GPC5: variants seen among roughly 807,000 people sequenced by gnomAD.
The protein encoded by GPC5 is glypican-5.
A neutral mutation model predicts 53.9 loss-of-function variants in GPC5; 47 were observed. That is an observed-to-expected ratio of 0.87 (90% CI 0.69 to 1.11). GPC5 has a LOEUF of 1.11. Ranked by LOEUF, GPC5 falls within the 50% of genes most tolerant of loss-of-function variation. The pLI, the probability that GPC5 is intolerant of heterozygous loss-of-function variation, is 0.00. For synonymous variants in GPC5, 286 were observed against 263.3 expected (o/e 1.09, Z -0.84); for missense variants, 748 against 713.1 (o/e 1.05, Z -0.56).
intron 7 of GPC5, among the ~76,000 whole-genome samples, chr13:92,285,754 A>G (rs1179753561): frequency 6.6e-6 from 1 of 152,240 alleles, no homozygotes; most frequent in African/African-American, 2.4e-5. Flanking sequence ...GATGGATTAA[A>G]GACTTAAATG....
intron 7 of GPC5, among the ~76,000 whole-genome samples, chr13:92,165,231 C>T (rs1226361645): frequency 1.3e-5 from 2 of 152,154 alleles, no homozygotes; most frequent in African/African-American, 4.8e-5. Context: ...TCTATTGGAT[C>T]ATCAGGCTGC....
chr13:91,482,247 G>A (rs1468827991), intron 2 of GPC5, among the ~76,000 whole-genome samples: 3 of 152,064 alleles, frequency 2.0e-5, no homozygotes, highest in Non-Finnish European at 2.9e-5. Context: ...TCTCTCACTC[G>A]TCTGTTTATG....
chr13:92,140,996 T>C (rs948732763), intron 6 of GPC5, among the ~76,000 whole-genome samples: 8 of 152,132 alleles, frequency 5.3e-5, no homozygotes, highest in Non-Finnish European at 1.5e-5. Flanking sequence ...ATATTATTAA[T>C]TGAAACACTT....
chr13:92,495,145 G>A (rs903726794), intron 7 of GPC5, among the ~76,000 whole-genome samples: 1 of 152,178 alleles, frequency 6.6e-6, no homozygotes, highest in Admixed American at 6.5e-5. Flanking sequence ...TCAGCACGCT[G>A]AAAATAATAT....
chr13:91,897,050 C>G (rs2039449788), intron 5 of GPC5, among the ~76,000 whole-genome samples: 1 of 151,964 alleles, frequency 6.6e-6, no homozygotes, highest in African/African-American at 2.4e-5. Flanking sequence ...TCTTCCTCCC[C>G]CTCCTCCTCC....
At chr13:91,487,073 G>A (rs561580148) in intron 2 of GPC5, among the ~76,000 whole-genome samples, 2 of 152,286 alleles carry the variant, frequency 1.3e-5, no homozygotes, top group East Asian at 3.9e-4. Context: ...TAGGTTTGAG[G>A]AGGGAAAGTT....
At chr13:92,691,339 C>CCGT in intron 7 of GPC5, among the ~76,000 whole-genome samples, 1 of 139,184 alleles carries the variant, frequency 7.2e-6, no homozygotes. Flanking sequence ...CCAGGTGCGT[C>CCGT]CGTCACCCCT....
At chr13:92,206,289 C>A (rs1056830165) in intron 7 of GPC5, among the ~76,000 whole-genome samples, 7 of 150,496 alleles carry the variant, frequency 4.7e-5, no homozygotes, top group South Asian at 2.1e-4. Context: ...CTCAGCCTCC[C>A]GAGTAGCTGC....
chr13:91,813,467 C>A (rs2038346641), intron 5 of GPC5, among the ~76,000 whole-genome samples: 3 of 152,326 alleles, frequency 2.0e-5, no homozygotes, highest in African/African-American at 7.2e-5. Flanking sequence ...ACAGTGAGAA[C>A]CTCCAGACCT....
At chr13:92,531,879 A>T (rs889160121) in intron 7 of GPC5, among the ~76,000 whole-genome samples, 3 of 152,214 alleles carry the variant, frequency 2.0e-5, no homozygotes, top group Non-Finnish European at 2.9e-5. Flanking sequence ...CATTTCACAC[A>T]GTCCAACTGA....
chr13:91,904,140 CTTTT>C (rs57293387), intron 5 of GPC5, among the ~76,000 whole-genome samples: 15 of 94,638 alleles, frequency 1.6e-4, no homozygotes, highest in Admixed American at 8.8e-4. Context: ...TCTTTTCTTT[CTTTT>C]TTTTTTTTTT....
At chr13:91,640,798 GAAA>G (rs528053266) in intron 2 of GPC5, among the ~76,000 whole-genome samples, 2 of 132,384 alleles carry the variant, frequency 1.5e-5, no homozygotes, top group Admixed American at 7.6e-5. Flanking sequence ...GACTCCTCAG[GAAA>G]AAAAAAAAAA....
At chr13:92,244,325 T>A (rs1195755580) in intron 7 of GPC5, among the ~76,000 whole-genome samples, 3 of 152,216 alleles carry the variant, frequency 2.0e-5, no homozygotes, top group Admixed American at 2.0e-4. Flanking sequence ...TAAATTGTTA[T>A]ATGATATTAC....
At chr13:92,707,735 A>G (rs1474143777) in intron 7 of GPC5, among the ~76,000 whole-genome samples, 1 of 152,054 alleles carries the variant, frequency 6.6e-6, no homozygotes, top group Admixed American at 6.6e-5. Context: ...TTAGGCTACA[A>G]TCCTACAAAA....
chr13:92,805,095 T>C (rs1043830194), intron 7 of GPC5, among the ~76,000 whole-genome samples: 5 of 152,038 alleles, frequency 3.3e-5, no homozygotes, highest in Non-Finnish European at 5.9e-5. Context: ...TCCATGAAGG[T>C]TGGAATCAAC....
At chr13:91,474,398 A>C (rs1227957985) in intron 2 of GPC5, among the ~76,000 whole-genome samples, 1 of 152,144 alleles carries the variant, frequency 6.6e-6, no homozygotes, top group African/African-American at 2.4e-5. Context: ...GAATAGTAGC[A>C]TGTAATTTTC....
intron 2 of GPC5, among the ~76,000 whole-genome samples, chr13:91,474,756 G>GAAA (rs1284279052): frequency 1.3e-5 from 2 of 152,012 alleles, no homozygotes; most frequent in Non-Finnish European, 2.9e-5. Context: ...TATAGTTGAT[G>GAAA]AAAAACATTT....
At chr13:92,174,031 G>A (rs1407481442) in intron 7 of GPC5, among the ~76,000 whole-genome samples, 2 of 152,006 alleles carry the variant, frequency 1.3e-5, no homozygotes, top group Non-Finnish European at 1.5e-5. Context: ...CTTGAGTCCA[G>A]GAGACAGAGG....
chr13:92,787,518 T>C (rs982894010), intron 7 of GPC5, among the ~76,000 whole-genome samples: 3 of 151,452 alleles, frequency 2.0e-5, no homozygotes, highest in Non-Finnish European at 4.4e-5. Context: ...AATAAACTTA[T>C]AATTAAAGTA....
Sources: allele counts gnomAD v4.1 joint callset (sites outside exome capture counted in the v4.1 genomes callset), GRCh38; gene constraint gnomAD v4.1.1; transcripts MANE v1.5; gene names NCBI Gene and HGNC (gene_info 2026-07-23, HGNC 2026-07-21).